Variants in LRR1 observed in about 807,000 individuals in gnomAD.
LRR1 encodes the protein leucine-rich repeat protein 1.
In LRR1, 29 loss-of-function variants were observed where a neutral mutation model predicts 31.6. The ratio of observed to expected loss-of-function variants is 0.92; its 90% CI spans 0.68 to 1.25. The LOEUF (loss-of-function observed/expected upper bound fraction) is 1.25. LRR1 is among the 50% of genes most tolerant of loss of function. The probability of loss-of-function intolerance (pLI) is 0.00; values close to 1 mark genes in which losing one functional copy is unlikely to be tolerated. For missense variants in LRR1, 485 were observed against 487.2 expected (o/e 1.00, Z 0.04); for synonymous variants, 179 against 181.4 (o/e 0.99, Z 0.10).
chr14:49,600,614 G>A (rs1474571608), intron 1 of LRR1: 3 of 1,526,064 alleles, frequency 2.0e-6, no homozygotes, highest in Non-Finnish European at 2.6e-6. Context: ...AATTACGTGA[G>A]AAACATCTTC....
At position 49,614,444 on chromosome 14, in the gene LRR1, C is replaced by T. The variant is rs1882625541; in HGVS notation, c.1193C>T (p.Ser398Phe). ...NLGGTEAPII[S>F]YFCSLGCYVN... ...GGTGGTACTGAAGCACCTATTATCTCTTATTTCTGTTCTCTAGGCTGTTAT... is the reference window on the plus strand; with the variant it reads ...GGTGGTACTGAAGCACCTATTATCTTTTATTTCTGTTCTCTAGGCTGTTAT... Residue 398 changes from serine (S) to phenylalanine (F), a missense_variant, in exon 4 of 4, where the codon TCT (serine) becomes TTT (phenylalanine). By Grantham distance (155) the Ser-to-Phe change is radical. Coordinates refer to ENST00000298288, the MANE Select transcript of LRR1 (RefSeq NM_152329.4). 6.2e-7 allele frequency: 1 copy of T among 1,613,790 alleles called. No homozygotes were observed. Among genetic ancestry groups the T allele is most frequent in the Non-Finnish European group, 8.5e-7 (1 of 1,179,900 alleles).
chr14:49,602,140 C>CTTTTTT (rs71115383), intron 1 of LRR1, among the ~76,000 whole-genome samples: 1 of 60,294 alleles, frequency 1.7e-5, no homozygotes, highest in African/African-American at 7.3e-5. Context: ...AAAAAAACAA[C>CTTTTTT]TTTTTTTTTT....
At chr14:49,611,428 T>C (rs1394317204) in intron 3 of LRR1, among the ~76,000 whole-genome samples, 1 of 152,024 alleles carries the variant, frequency 6.6e-6, no homozygotes, top group Non-Finnish European at 1.5e-5. Context: ...TGAGCCGAGA[T>C]GGCACCACTG....
intron 3 of LRR1, among the ~76,000 whole-genome samples, chr14:49,613,973 A>G (rs923035544): frequency 1.3e-5 from 2 of 152,186 alleles, no homozygotes; most frequent in Non-Finnish European, 2.9e-5. Flanking sequence ...TAGAGAGTTT[A>G]AGTTTCCCTT....
intron 2 of LRR1, among the ~76,000 whole-genome samples, chr14:49,606,011 A>G (rs1347286270): frequency 1.3e-5 from 2 of 151,468 alleles, no homozygotes; most frequent in African/African-American, 4.8e-5. Flanking sequence ...ATGTTCCAAC[A>G]AAAATTAGCT....
chr14:49,603,442 A>C lies in LRR1; in HGVS notation c.282+974A>C, dbSNP rs1276819476. The C allele has an allele frequency of 1.7e-5, 4 of 231,096 alleles. No individual in the cohort carries two copies. In the Admixed American group the frequency reaches 2.5e-4, roughly 14 times the overall value. The allele number at this position is 231,096 out of a possible 1,614,324, so 14.3% of individuals were successfully genotyped here. On this transcript the variant is annotated intron_variant, in intron 2 of 3. Coordinates refer to ENST00000298288, the MANE Select transcript of LRR1 (RefSeq NM_152329.4). The stretch of plus-strand genomic sequence containing the variant: ...AGCTAAACCACAGGTTACAAATCTA[A>C]GTTTGTTGTAATAAAAGAGGAAAAA...
rs1359476960 is a variant in LRR1 at position 49,608,244 on chromosome 14, A to G, written c.1004+123A>G. 3 of 1,045,708 alleles carry G rather than the reference A, an allele frequency of 2.9e-6. No individual in the cohort carries two copies. In the African/African-American group the frequency reaches 4.8e-5, roughly 17 times the overall value. The allele number at this position is 1,045,708 out of a possible 1,614,324, so 64.8% of individuals were successfully genotyped here. On this transcript the variant is annotated intron_variant, in intron 3 of 3. Coordinates refer to ENST00000298288, the MANE Select transcript of LRR1 (RefSeq NM_152329.4). ...ATGCACAGTCTGACCCTTTGCTATA[A>G]TGGTCTTCTTGTTCCTTACCTCTGC...
At chr14:49,604,108 GC>G (rs1412450807) in intron 2 of LRR1, among the ~76,000 whole-genome samples, 1 of 150,616 alleles carries the variant, frequency 6.6e-6, no homozygotes, top group Non-Finnish European at 1.5e-5. Flanking sequence ...TTCAAGACCA[GC>G]CTGGGCAACA....
At position 49,613,304 on chromosome 14, in the gene LRR1, G is replaced by A. The variant is rs551505527; in HGVS notation, c.1005-952G>A. ...CAGTGAGCCGAGATTGTGCCACTGC[G>A]CTCCAGCCTGGGAGACAGAGCGAGA... On this transcript the variant is annotated intron_variant, in intron 3 of 3. Transcript: ENST00000298288. Among the ~76,000 whole-genome samples, 765 of 147,694 alleles carry A rather than the reference G, an allele frequency of 5.2e-3. 9 individuals are homozygous for A. The highest frequency in any genetic ancestry group is 0.018 in the African/African-American group (730 of 39,976).
intron 3 of LRR1, among the ~76,000 whole-genome samples, chr14:49,611,272 C>A (rs1398616383): frequency 6.6e-6 from 1 of 151,028 alleles, no homozygotes; most frequent in Non-Finnish European, 1.5e-5. Flanking sequence ...GTCGGGAGTT[C>A]GAGACCACAC....
chr14:49,601,273 T>TA, intron 1 of LRR1: 1 of 1,088,024 alleles, frequency 9.2e-7, no homozygotes, highest in Non-Finnish European at 1.3e-6. Context: ...TGATATTTGT[T>TA]ATGCTTATAA....
intron 1 of LRR1, chr14:49,601,036 C>T (rs1269969056): frequency 1.2e-6 from 2 of 1,610,926 alleles, no homozygotes; most frequent in African/African-American, 2.7e-5. Flanking sequence ...AAGTTGCTTT[C>T]TATTCCAGCA....
chr14:49,604,651 C>T (rs1341596466), intron 2 of LRR1, among the ~76,000 whole-genome samples: 1 of 151,990 alleles, frequency 6.6e-6, no homozygotes, highest in Non-Finnish European at 1.5e-5. Flanking sequence ...GTGATTGCAG[C>T]CACTGCACTC....
At chr14:49,612,188 A>G (rs995726215) in intron 3 of LRR1, among the ~76,000 whole-genome samples, 20 of 152,218 alleles carry the variant, frequency 1.3e-4, no homozygotes, top group African/African-American at 4.6e-4. Context: ...TTCGCGTTAT[A>G]GCATTTATGT....
At chr14:49,600,301 G>C in intron 1 of LRR1, 1 of 1,495,672 alleles carries the variant, frequency 6.7e-7, no homozygotes, top group South Asian at 1.1e-5. Context: ...AGGGAGGAGT[G>C]GGTACCGGAA....
Position 49,599,174 on chromosome 14 carries a change from C to A in LRR1, c.154C>A (p.Leu52Met), listed in dbSNP as rs1245018895. ...PVRAFLLIST[L>M]KDKRGTRYEL... is the part of the protein sequence containing the mutation. The stretch of plus-strand genomic sequence containing the variant: ...CCGAGCCTTCCTGCTCATCTCCACC[C>A]TGAAGGACAAGCGCGGGACCCGCTA... Residue 52 changes from leucine (L) to methionine (M), a missense_variant, in exon 1 of 4, where the codon CTG becomes ATG. Coordinates refer to ENST00000298288, the MANE Select transcript of LRR1 (RefSeq NM_152329.4). 1 of 1,608,798 alleles carries A rather than the reference C, an allele frequency of 6.2e-7. No homozygotes were observed. The highest frequency in any genetic ancestry group is 1.7e-5 in the Admixed American group (1 of 59,088).
intron 2 of LRR1, chr14:49,603,628 AC>A: frequency 9.6e-7 from 1 of 1,036,994 alleles, no homozygotes; most frequent in Middle Eastern, 3.5e-4. Context: ...GGTGGGTGCC[AC>A]CACTCCTGGC....
chr14:49,612,345 G>A (rs1882542746), intron 3 of LRR1: 2 of 497,492 alleles, frequency 4.0e-6, no homozygotes, highest in South Asian at 1.1e-4. Context: ...TTATCTAGCT[G>A]TTGATAAATG....
At position 49,614,349 on chromosome 14, in the gene LRR1, T is replaced by C. The variant is rs745623204; in HGVS notation, c.1098T>C (p.Ser366=). The change falls in exon 4 of 4, where the codon TCT becomes TCC. Residue 366 remains serine, a synonymous_variant. Transcript: ENST00000298288. ...TTTGTGGAAGATTCTGTCTGAACTC[T>C]TTCATTCAAGGAACTACTACCATGA... ...ICVCGRFCLN[S]FIQGTTTMNL... is the part of the protein sequence containing the mutation. 6.2e-7 allele frequency: 1 copy of C among 1,614,044 alleles called. No individual in the cohort carries two copies. The highest frequency in any genetic ancestry group is 2.2e-5 in the East Asian group (1 of 44,844).
Sources: gnomAD v4.1 joint callset for allele counts (sites outside exome capture counted in the v4.1 genomes callset) on GRCh38, gnomAD v4.1.1 for gene constraint, MANE v1.5 for transcripts, NCBI Gene and HGNC (gene_info 2026-07-23, HGNC 2026-07-21) for gene names.